The following SGCZ variants were observed in gnomAD, a reference collection of about 807,000 sequenced individuals.
The protein encoded by SGCZ is sarcoglycan zeta, also known as zeta-sarcoglycan.
A neutral mutation model predicts 41.3 loss-of-function variants in SGCZ; 40 were observed. That is an observed-to-expected ratio of 0.97 (90% CI 0.75 to 1.26). The LOEUF is 1.26. Among genes scored for constraint, SGCZ ranks in the 50% most tolerant of loss-of-function variants. SGCZ has a pLI of 0.00. For synonymous variants in SGCZ, 206 were observed against 137.5 expected, an observed-to-expected ratio of 1.50 and a Z score of -3.49; for missense variants, 552 against 369.8, an observed-to-expected ratio of 1.49 and a Z score of -4.04.
chr8:14,237,267 G>T (rs1448008049), intron 4 of SGCZ, among the ~76,000 whole-genome samples: 1 of 152,066 alleles, frequency 6.6e-6, no homozygotes, highest in Admixed American at 6.6e-5. Flanking sequence ...CTAAATACAG[G>T]AAACATGACT....
intron 1 of SGCZ, among the ~76,000 whole-genome samples, chr8:15,133,149 T>TAAATAA (rs1807975210): frequency 1.3e-5 from 2 of 151,314 alleles, no homozygotes; most frequent in African/African-American, 4.9e-5. Flanking sequence ...TCTCAAAATA[T>TAAATAA]ATAAATAAAT....
At chr8:14,492,611 C>T (rs982250722) in intron 2 of SGCZ, among the ~76,000 whole-genome samples, 6 of 152,158 alleles carry the variant, frequency 3.9e-5, no homozygotes, top group Non-Finnish European at 8.8e-5. Flanking sequence ...TCTATCTGCT[C>T]AAATTTCTCA....
chr8:14,443,269 C>G (rs1800326973), intron 2 of SGCZ, among the ~76,000 whole-genome samples: 1 of 152,038 alleles, frequency 6.6e-6, no homozygotes, highest in African/African-American at 2.4e-5. Flanking sequence ...CCATCCCCAT[C>G]AAGCTACCAG....
intron 1 of SGCZ, among the ~76,000 whole-genome samples, chr8:14,891,534 G>A (rs1424110094): frequency 2.0e-5 from 3 of 152,176 alleles, no homozygotes; most frequent in African/African-American, 7.2e-5. Flanking sequence ...AAAGAAAGTG[G>A]TATCTAGGCA....
At chr8:14,937,798 A>C (rs1800132367) in intron 1 of SGCZ, among the ~76,000 whole-genome samples, 1 of 152,110 alleles carries the variant, frequency 6.6e-6, no homozygotes, top group Admixed American at 6.5e-5. Flanking sequence ...TAAATTCATA[A>C]ATGAATGCAG....
intron 2 of SGCZ, among the ~76,000 whole-genome samples, chr8:14,399,414 T>A (rs1799009523): frequency 6.6e-6 from 1 of 152,154 alleles, no homozygotes; most frequent in Non-Finnish European, 1.5e-5. Context: ...TGATGCTCAA[T>A]CACACTTGAC....
chr8:15,137,337 TA>T (rs1808148987), intron 1 of SGCZ, among the ~76,000 whole-genome samples: 1 of 152,022 alleles, frequency 6.6e-6, no homozygotes. Context: ...GACAATGCAA[TA>T]AAAAAGAAAA....
intron 1 of SGCZ, among the ~76,000 whole-genome samples, chr8:14,592,335 T>C (rs748931134): frequency 2.6e-5 from 4 of 152,164 alleles, no homozygotes; most frequent in South Asian, 2.1e-4. Flanking sequence ...CATAACAATA[T>C]AAATTTCAGA....
chr8:14,130,229 C>T (rs1284450820), intron 5 of SGCZ, among the ~76,000 whole-genome samples: 2 of 151,686 alleles, frequency 1.3e-5, no homozygotes, highest in Non-Finnish European at 2.9e-5. Context: ...TATATAAACA[C>T]ACACACGCAA....
intron 1 of SGCZ, among the ~76,000 whole-genome samples, chr8:15,015,564 G>A (rs999103816): frequency 1.3e-4 from 19 of 151,248 alleles, no homozygotes; most frequent in Admixed American, 4.0e-4. Flanking sequence ...GCAGGCACCT[G>A]TAGTCCCAGC....
At chr8:15,004,531 A>T (rs1189203779) in intron 1 of SGCZ, among the ~76,000 whole-genome samples, 7 of 151,942 alleles carry the variant, frequency 4.6e-5, no homozygotes, top group Non-Finnish European at 1.0e-4. Context: ...CATCATAAAA[A>T]CCCAATGCAG....
chr8:15,153,567 G>T (rs1351372882), intron 1 of SGCZ, among the ~76,000 whole-genome samples: 1 of 152,016 alleles, frequency 6.6e-6, no homozygotes, highest in Non-Finnish European at 1.5e-5. Flanking sequence ...TGATCCCGGG[G>T]GTAGATCCCT....
At chr8:15,063,714 C>T (rs1490068935) in intron 1 of SGCZ, among the ~76,000 whole-genome samples, 1 of 152,200 alleles carries the variant, frequency 6.6e-6, no homozygotes. Context: ...AACCAGAATG[C>T]ATGACTGGTT....
At chr8:14,512,704 A>G (rs1802503010) in intron 2 of SGCZ, among the ~76,000 whole-genome samples, 1 of 151,884 alleles carries the variant, frequency 6.6e-6, no homozygotes, top group Non-Finnish European at 1.5e-5. Context: ...GTCTCAAGTA[A>G]TCCTCATGCT....
chr8:14,692,861 C>G (rs1311933627), intron 1 of SGCZ, among the ~76,000 whole-genome samples: 1 of 152,150 alleles, frequency 6.6e-6, no homozygotes. Flanking sequence ...CTTCAATTTT[C>G]TGATTTCACT....
In SGCZ at chr8:15,165,662, G is replaced by A. The variant is rs568913981; in HGVS notation, c.39+71923C>T. On this transcript the variant is annotated intron_variant, in intron 1 of 7. Transcript: ENST00000382080. ...GAAACTACTAGAAATATATTTACAC[G>A]CAAGGTGTATGAGAACAGTAAAATG... Among the ~76,000 whole-genome samples the A allele has an allele frequency of 5.3e-5, 8 of 152,106 alleles. 1 individual carries two copies. In the South Asian group the frequency reaches 8.3e-4, roughly 16 times the overall value.
At chr8:14,414,212 A>T (rs1300951885) in intron 2 of SGCZ, among the ~76,000 whole-genome samples, 1 of 151,894 alleles carries the variant, frequency 6.6e-6, no homozygotes, top group South Asian at 2.1e-4. Context: ...ACACATACAG[A>T]CACGCACACG....
At position 14,992,002 on chromosome 8, in the gene SGCZ, C is replaced by G. The variant is rs368737324; in HGVS notation, c.39+245583G>C. 2.1e-4 allele frequency among the ~76,000 whole-genome samples: 32 copies of G among 151,404 alleles called. No individual in the cohort carries two copies. The South Asian group carries it at 6.5e-3, about 31-fold the overall frequency. ...AACTAGTATTGCCATTGATATTTAC[C>G]CCTCACCCATCCTCCTCATTCAATC... is the stretch of plus-strand genomic sequence containing the variant. On this transcript the variant is annotated intron_variant, in intron 1 of 7. Coordinates refer to ENST00000382080, the MANE Select transcript of SGCZ (RefSeq NM_139167.4).
At chr8:14,187,064 G>A (rs1191667052) in intron 4 of SGCZ, among the ~76,000 whole-genome samples, 1 of 152,280 alleles carries the variant, frequency 6.6e-6, no homozygotes, top group Non-Finnish European at 1.5e-5. Flanking sequence ...AGAAGTCAAA[G>A]AGAGCACTGT....
Sources: gnomAD v4.1 joint callset for allele counts (sites outside exome capture counted in the v4.1 genomes callset) on GRCh38, gnomAD v4.1.1 for gene constraint, MANE v1.5 for transcripts, NCBI Gene and HGNC (gene_info 2026-07-23, HGNC 2026-07-21) for gene names.